PDE1A: variants seen among roughly 807,000 people sequenced by gnomAD.
The protein encoded by PDE1A is dual specificity calcium/calmodulin-dependent 3',5'-cyclic nucleotide phosphodiesterase 1A.
PDE1A carries 35 observed loss-of-function variants against 61.7 expected under a neutral mutation model. That is an observed-to-expected ratio of 0.57 (90% CI 0.43 to 0.75). The LOEUF is 0.75. PDE1A is among the 30% of genes least tolerant of loss of function. PDE1A has a pLI of 0.00. For synonymous variants in PDE1A, 232 were observed against 213.2 expected (o/e 1.09, Z -0.77); for missense variants, 597 against 630.6 (o/e 0.95, Z 0.57).
At chr2:182,411,313 C>T (rs758690879) in intron 1 of PDE1A, among the ~76,000 whole-genome samples, 2 of 152,142 alleles carry the variant, frequency 1.3e-5, no homozygotes, top group Non-Finnish European at 2.9e-5. Context: ...ATTGTGTTTG[C>T]GATATTTGCA....
chr2:182,592,124 G>A, the PDE1A span, among the ~76,000 whole-genome samples: 1 of 152,272 alleles, frequency 6.6e-6, no homozygotes, highest in Non-Finnish European at 1.5e-5. Flanking sequence ...TGCCAGCTTG[G>A]TATTGCCCCC....
intron 2 of PDE1A, among the ~76,000 whole-genome samples, chr2:182,505,355 G>A (rs190608613): frequency 1.3e-4 from 20 of 152,260 alleles, no homozygotes; most frequent in Non-Finnish European, 5.9e-5. Context: ...GTTATCTAGA[G>A]TCGACTTTTA....
chr2:182,295,933 C>G (rs1207546879), intron 1 of PDE1A, among the ~76,000 whole-genome samples: 1 of 152,072 alleles, frequency 6.6e-6, no homozygotes, highest in East Asian at 1.9e-4. Context: ...TCTAGTCATA[C>G]AGATGTGGCT....
chr2:182,516,046 A>G (rs1690129032), intron 2 of PDE1A, among the ~76,000 whole-genome samples: 1 of 151,012 alleles, frequency 6.6e-6, no homozygotes, highest in East Asian at 2.0e-4. Flanking sequence ...TTCTTCTGGT[A>G]TAGAAGGCAT....
chr2:182,431,910 C>A (rs1179277411), upstream of PDE1A, among the ~76,000 whole-genome samples: 7 of 152,138 alleles, frequency 4.6e-5, no homozygotes, highest in East Asian at 1.2e-3. Context: ...CATAACATTG[C>A]CAATTATGTT....
intron 10 of PDE1A, among the ~76,000 whole-genome samples, chr2:182,193,609 C>G (rs1055346517): frequency 6.6e-6 from 1 of 152,074 alleles, no homozygotes; most frequent in African/African-American, 2.4e-5. Context: ...CCCTTCTTTA[C>G]TTCTACAAAT....
intron 13 of PDE1A, among the ~76,000 whole-genome samples, chr2:182,162,649 C>T (rs1470403603): frequency 6.6e-6 from 1 of 152,092 alleles, no homozygotes; most frequent in Non-Finnish European, 1.5e-5. Context: ...GGACCTCTGG[C>T]CTTGTATCAG....
intron 1 of PDE1A, among the ~76,000 whole-genome samples, chr2:182,374,631 ATAAT>A (rs1158962740): frequency 2.6e-5 from 4 of 152,350 alleles, no homozygotes; most frequent in Non-Finnish European, 5.9e-5. Context: ...CTACATATAA[ATAAT>A]TAATAGAATA....
chr2:182,295,474 C>A (rs1351104763), intron 1 of PDE1A, among the ~76,000 whole-genome samples: 1 of 152,124 alleles, frequency 6.6e-6, no homozygotes, highest in Admixed American at 6.5e-5. Context: ...AAAGTCACAT[C>A]AATGGTGTGT....
rs538558810 is a variant in PDE1A at position 182,318,016 on chromosome 2, G to A, written c.54-53602C>T. On this transcript the variant is annotated intron_variant, in intron 1 of 13. Transcript: ENST00000351439. ...ATAAAATAAGACTTAGGAAGTATAAGTCAGGTGCCCCAGCATACAACAAGC... is the reference window on the plus strand; with the variant it reads ...ATAAAATAAGACTTAGGAAGTATAAATCAGGTGCCCCAGCATACAACAAGC... Among the ~76,000 whole-genome samples, 149 of 152,168 alleles carry A rather than the reference G, an allele frequency of 9.8e-4. 1 individual carries two copies. Among genetic ancestry groups the A allele is most frequent in the African/African-American group, 3.3e-3 (137 of 41,532 alleles).
At chr2:182,711,205 G>C in the PDE1A span, among the ~76,000 whole-genome samples, 1 of 152,162 alleles carries the variant, frequency 6.6e-6, no homozygotes, top group Non-Finnish European at 1.5e-5. Flanking sequence ...GGAGTAAACA[G>C]AGCATCTGCT....
At chr2:182,374,604 G>T (rs375307162) in intron 1 of PDE1A, among the ~76,000 whole-genome samples, 3 of 152,028 alleles carry the variant, frequency 2.0e-5, no homozygotes, top group East Asian at 3.8e-4. Context: ...CTTACATACA[G>T]ATCATATTAA....
exon 15 of PDE1A, chr2:182,140,458 A>C (rs1418366576): frequency 6.6e-6 from 1 of 152,234 alleles, no homozygotes; most frequent in Non-Finnish European, 1.5e-5. Context: ...ATTGAATTGC[A>C]TAAAACACCA....
intron 2 of PDE1A, among the ~76,000 whole-genome samples, chr2:182,497,116 A>G (rs1688763323): frequency 6.6e-6 from 1 of 152,210 alleles, no homozygotes; most frequent in South Asian, 2.1e-4. Context: ...TCTTTTAACC[A>G]TGGCCAATTG....
At position 182,505,855 on chromosome 2, in the gene PDE1A, A is replaced by G. The variant is rs535675098; in HGVS notation, c.101+16421T>C. 2.2e-4 allele frequency among the ~76,000 whole-genome samples: 33 copies of G among 152,366 alleles called. 1 individual carries two copies. In the South Asian group the frequency reaches 5.0e-3, roughly 23 times the overall value. On this transcript the variant is annotated intron_variant, in intron 2 of 14. Coordinates refer to the PDE1A transcript ENST00000410103. ...AAATTGGGCCATTACTGCAACAGTAAACAACAACATGATAGAATTTCTGGA... is the reference window on the plus strand; with the variant it reads ...AAATTGGGCCATTACTGCAACAGTAGACAACAACATGATAGAATTTCTGGA...
At chr2:182,230,216 T>G (rs1479580063) in intron 5 of PDE1A, 70 bp from the exon 6 acceptor site, 1 of 1,248,626 alleles carries the variant, frequency 8.0e-7, no homozygotes, top group Non-Finnish European at 1.1e-6. Context: ...GAGCACTGTT[T>G]GTCATGGAAC....
chr2:182,360,352 T>A (rs1279928464), intron 1 of PDE1A, among the ~76,000 whole-genome samples: 1 of 152,088 alleles, frequency 6.6e-6, no homozygotes, highest in East Asian at 1.9e-4. Context: ...CAATCGGATT[T>A]GGCAAGTGTC....
chr2:182,474,053 G>T (rs1687205410), intron 2 of PDE1A, among the ~76,000 whole-genome samples: 1 of 151,892 alleles, frequency 6.6e-6, no homozygotes, highest in Admixed American at 6.6e-5. Context: ...AAGTCTTTGA[G>T]GTATCACCAC....
At chr2:182,631,696 G>A in the PDE1A span, among the ~76,000 whole-genome samples, 30 of 152,302 alleles carry the variant, frequency 2.0e-4, no homozygotes, top group African/African-American at 6.7e-4. Flanking sequence ...AGGCATTAAC[G>A]TAGTTAAAAA....
Sources: gnomAD v4.1 joint callset for allele counts (sites outside exome capture counted in the v4.1 genomes callset) on GRCh38, gnomAD v4.1.1 for gene constraint, MANE v1.5 for transcripts, NCBI Gene and HGNC (gene_info 2026-07-23, HGNC 2026-07-21) for gene names.